The following GSE1 variants were observed in gnomAD, a reference collection of about 807,000 sequenced individuals.
GSE1 encodes genetic suppressor element 1.
A neutral mutation model predicts 112.6 loss-of-function variants in GSE1; 32 were observed. The ratio of observed to expected loss-of-function variants is 0.28; its 90% CI spans 0.21 to 0.38. GSE1 has a LOEUF of 0.38. Ranked by LOEUF, GSE1 falls within the 10% of genes least tolerant of loss-of-function variation. The probability of loss-of-function intolerance (pLI) is 1.00; values close to 1 mark genes in which losing one functional copy is unlikely to be tolerated. For missense variants in GSE1, 2,348 were observed against 1,699.2 expected (o/e 1.38, Z -6.71); for synonymous variants, 1,115 against 735.6 (o/e 1.52, Z -8.35).
intron 1 of GSE1, among the ~76,000 whole-genome samples, chr16:85,596,286 C>G (rs914409709): frequency 6.6e-6 from 1 of 152,176 alleles, no homozygotes; most frequent in Non-Finnish European, 1.5e-5. Flanking sequence ...GAACGCATCA[C>G]TGACTTGGGA....
At chr16:85,265,419 C>T (rs1380468902) in intron 1 of GSE1, among the ~76,000 whole-genome samples, 1 of 152,180 alleles carries the variant, frequency 6.6e-6, no homozygotes, top group African/African-American at 2.4e-5. Context: ...GTCTCGACCG[C>T]CCCAGACCCG....
intron 1 of GSE1, among the ~76,000 whole-genome samples, chr16:85,348,870 C>G (rs2046796144): frequency 1.3e-5 from 2 of 152,092 alleles, no homozygotes; most frequent in African/African-American, 4.8e-5. Context: ...TGTTGTCCTC[C>G]CTCCCTCCAG....
intron 2 of GSE1, among the ~76,000 whole-genome samples, chr16:85,487,009 G>T (rs1350641841): frequency 6.6e-6 from 1 of 152,172 alleles, no homozygotes; most frequent in African/African-American, 2.4e-5. Flanking sequence ...TTCACGGGTG[G>T]TTGCTATGTA....
chr16:85,620,796 G>A (rs1279902026), intron 1 of GSE1, among the ~76,000 whole-genome samples: 1 of 152,190 alleles, frequency 6.6e-6, no homozygotes, highest in African/African-American at 2.4e-5. Flanking sequence ...CCGTTTAGAG[G>A]GTCTCAGCCC....
At chr16:85,380,906 GGTAAAGT>G (rs2047532492) in intron 2 of GSE1, among the ~76,000 whole-genome samples, 1 of 152,118 alleles carries the variant, frequency 6.6e-6, no homozygotes. Context: ...GGTGAGCCCT[GGTAAAGT>G]CTTTGCAATG....
intron 1 of GSE1, among the ~76,000 whole-genome samples, chr16:85,213,232 G>A (rs138940862): frequency 1.9e-4 from 29 of 149,188 alleles, no homozygotes; most frequent in African/African-American, 7.0e-4. Flanking sequence ...TCACACTACT[G>A]CACTCCAGCC....
intron 1 of GSE1, chr16:85,185,141 A>G (rs185848329): frequency 1.3e-5 from 2 of 152,330 alleles, no homozygotes; most frequent in Admixed American, 6.5e-5. Flanking sequence ...TGTTTCCACT[A>G]TGATGCAGCT....
intron 1 of GSE1, among the ~76,000 whole-genome samples, chr16:85,315,902 G>A (rs566610130): frequency 1.3e-5 from 2 of 152,070 alleles, no homozygotes; most frequent in South Asian, 2.1e-4. Flanking sequence ...TGCATCCCAC[G>A]CCAGAGCACG....
Position 85,663,378 on chromosome 16 carries a change from C to T in GSE1, c.2408C>T (p.Thr803Ile), listed in dbSNP as rs930524273. ...LEFLQLFGLTTQQQKEELVAQ... is the reference protein window; with the variant it reads ...LEFLQLFGLTIQQQKEELVAQ... Reference sequence around the variant, plus strand: ...TTTTTGCAACTTTTTGGCTTGACCACCCAACAGCAGAAGGAGGAATTGGTG... The same window carrying T: ...TTTTTGCAACTTTTTGGCTTGACCATCCAACAGCAGAAGGAGGAATTGGTG... Residue 803 changes from threonine to isoleucine, a missense_variant, in exon 11 of 16, where the codon ACC (threonine) becomes ATC (isoleucine). Coordinates refer to ENST00000253458, the MANE Select transcript of GSE1 (RefSeq NM_014615.5). 1.2e-6 allele frequency: 2 copies of T among 1,613,882 alleles called. No individual in the cohort carries two copies. The highest frequency in any genetic ancestry group is 1.7e-6 in the Non-Finnish European group (2 of 1,180,012).
chr16:85,650,740 G>C (rs2051265396), intron 3 of GSE1, among the ~76,000 whole-genome samples: 1 of 152,198 alleles, frequency 6.6e-6, no homozygotes, highest in Non-Finnish European at 1.5e-5. Context: ...CGGGCACAGA[G>C]GCTCAGCGGG....
chr16:85,491,529 C>T (rs2051009520), intron 2 of GSE1, among the ~76,000 whole-genome samples: 2 of 152,160 alleles, frequency 1.3e-5, no homozygotes, highest in Non-Finnish European at 2.9e-5. Flanking sequence ...AAGCTGCCCT[C>T]TGGCAGGGGT....
rs781350309 is a variant in GSE1 at position 85,661,095 on chromosome 16, ATGACTGAAGGGTCTTTTCTCCC to A, written c.1641-38_1641-17del. 16 of 1,505,686 alleles carry A rather than the reference ATGACTGAAGGGTCTTTTCTCCC, an allele frequency of 1.1e-5. No individual in the cohort carries two copies. In the East Asian group the frequency reaches 1.6e-4, roughly 15 times the overall value. The allele number at this position is 1,505,686 out of a possible 1,614,324, so 93.3% of individuals were successfully genotyped here. A position where few individuals can be genotyped will look rare whatever the true frequency, so the allele number is the denominator to read the frequency against. On this transcript the variant is annotated intron_variant, in intron 8 of 15. Coordinates refer to ENST00000253458, the MANE Select transcript of GSE1 (RefSeq NM_014615.5). ...GGCAGGCAGCCAGGGAAGCCTGTGGATGACTGAAGGGTCTTTTCTCCCTGACTGAAGGGTTGGTTTCACTCCC... is the reference window on the plus strand; with the variant it reads ...GGCAGGCAGCCAGGGAAGCCTGTGGATGACTGAAGGGTTGGTTTCACTCCC...
rs1372179820 is a variant in GSE1 at position 85,478,470 on chromosome 16, T to C, written c.2464+120827T>C. 6.8e-5 allele frequency among the ~76,000 whole-genome samples: 10 copies of C among 146,508 alleles called. No homozygotes were observed. In the Admixed American group the frequency reaches 6.9e-4, roughly 10 times the overall value. ...TGAATGTGGGAGGCAGAGGTTGCAG[T>C]GAGCTGAGATCGTGCCATTGCACTG... is the stretch of plus-strand genomic sequence containing the variant. On this transcript the variant is annotated intron_variant, in intron 2 of 2. Coordinates refer to the GSE1 transcript ENST00000637419.
In GSE1 at chr16:85,276,669, C is replaced by T. The variant is rs535207785; in HGVS notation, c.2284-80794C>T. On this transcript the variant is annotated intron_variant, in intron 1 of 2. Transcript: ENST00000637419. ...AAGGGCGTGGAGGATGCTTCGGTGG[C>T]GGGAGACAGGATGGACCCACCACGC... 1.1e-4 allele frequency among the ~76,000 whole-genome samples: 16 copies of T among 152,238 alleles called. No homozygotes were observed. The East Asian group carries it at 1.2e-3, about 11-fold the overall frequency.
At chr16:85,327,990 C>G (rs570808648) in intron 1 of GSE1, among the ~76,000 whole-genome samples, 40 of 152,332 alleles carry the variant, frequency 2.6e-4, no homozygotes, top group Admixed American at 1.0e-3. Context: ...CCTGGCCATG[C>G]ATGAATCCAG....
At chr16:85,612,463 G>C (rs2048054800), upstream of GSE1, among the ~76,000 whole-genome samples, 1 of 152,132 alleles carries the variant, frequency 6.6e-6, no homozygotes, top group South Asian at 2.1e-4. Flanking sequence ...CTGGAGGCGG[G>C]CGACCTCGCC....
chr16:85,402,246 G>A (rs1020160470), intron 2 of GSE1, among the ~76,000 whole-genome samples: 2 of 152,250 alleles, frequency 1.3e-5, no homozygotes, highest in African/African-American at 2.4e-5. Flanking sequence ...AAGCCAGAGC[G>A]GCCTGTCCAC....
chr16:85,509,189 G>A (rs939547569), intron 2 of GSE1, among the ~76,000 whole-genome samples: 5 of 152,234 alleles, frequency 3.3e-5, no homozygotes, highest in Non-Finnish European at 5.9e-5. Flanking sequence ...CCTGATGGGC[G>A]TGTGGGTATG....
chr16:85,636,021 G>T (rs937214972), intron 2 of GSE1, among the ~76,000 whole-genome samples: 1 of 152,246 alleles, frequency 6.6e-6, no homozygotes, highest in Non-Finnish European at 1.5e-5. Context: ...CCAGCGGGTG[G>T]CCTGAGTGCC....
Sources: gnomAD v4.1 joint callset for allele counts (sites outside exome capture counted in the v4.1 genomes callset) on GRCh38, gnomAD v4.1.1 for gene constraint, MANE v1.5 for transcripts, NCBI Gene and HGNC (gene_info 2026-07-23, HGNC 2026-07-21) for gene names.